Variants in COP1 observed in about 807,000 individuals in gnomAD.
COP1 encodes the protein COP1 E3 ubiquitin ligase.
COP1 carries 24 observed loss-of-function variants against 101.3 expected under a neutral mutation model. The ratio of observed to expected loss-of-function variants is 0.24; its 90% CI spans 0.17 to 0.33. The LOEUF is 0.33. COP1 is among the 10% of genes least tolerant of loss of function. COP1 has a pLI of 1.00. For synonymous variants in COP1, 347 were observed against 341.9 expected (o/e 1.01, Z -0.17); for missense variants, 663 against 906.2 (o/e 0.73, Z 3.45).
Position 176,149,077 on chromosome 1 carries a change from A to G in COP1, c.763-3T>C. On this transcript the variant is annotated splice_polypyrimidine_tract_variant and splice_region_variant and intron_variant, in intron 5 of 19. Coordinates refer to ENST00000367669, the MANE Select transcript of COP1 (RefSeq NM_022457.7). Reference sequence around the variant, plus strand: ...TGTAGTTGGGCTGCATGTGATTCCTACAATAGAAAATTATAATTTTTCTTT... The same window carrying G: ...TGTAGTTGGGCTGCATGTGATTCCTGCAATAGAAAATTATAATTTTTCTTT... 1.3e-6 allele frequency: 2 copies of G among 1,559,234 alleles called. No individual in the cohort carries two copies. The highest frequency in any genetic ancestry group is 2.4e-5 in the South Asian group (2 of 84,066).
intron 11 of COP1, among the ~76,000 whole-genome samples, chr1:176,059,185 GCTCA>G (rs1674407281): frequency 6.6e-6 from 1 of 152,288 alleles, no homozygotes. Flanking sequence ...TAATTTTGGA[GCTCA>G]CTCACTATGT....
intron 14 of COP1, among the ~76,000 whole-genome samples, chr1:176,032,426 A>G (rs1456226651): frequency 1.3e-5 from 2 of 152,254 alleles, no homozygotes; most frequent in African/African-American, 4.8e-5. Flanking sequence ...GTTGTCATAC[A>G]GCAAACTGCC....
At chr1:176,024,027 G>A (rs1667253878) in intron 15 of COP1, among the ~76,000 whole-genome samples, 1 of 152,112 alleles carries the variant, frequency 6.6e-6, no homozygotes. Context: ...GGAGGCCGAG[G>A]CAGGCAGATC....
At chr1:175,960,622 A>T (rs1651222005) in intron 18 of COP1, among the ~76,000 whole-genome samples, 1 of 152,164 alleles carries the variant, frequency 6.6e-6, no homozygotes, top group South Asian at 2.1e-4. Context: ...TAGTAATAAT[A>T]TGTTATTGGA....
At chr1:176,044,473 G>A (rs1483947536) in intron 12 of COP1, among the ~76,000 whole-genome samples, 1 of 152,208 alleles carries the variant, frequency 6.6e-6, no homozygotes, top group Non-Finnish European at 1.5e-5. Context: ...TACTTAGAAG[G>A]CAGTTAATGT....
At chr1:176,035,413 A>G (rs10798442) in intron 14 of COP1, among the ~76,000 whole-genome samples, 60,642 of 151,532 alleles carry the variant, frequency 0.4, 12,322 homozygotes, top group Admixed American at 0.44. Flanking sequence ...ACAGAACGAA[A>G]GGGTCTAATA....
Position 176,175,894 on chromosome 1 carries a change from C to A in COP1, c.565+16G>T. The A allele has an allele frequency of 1.5e-6, 2 of 1,358,384 alleles. No homozygotes were observed. Among genetic ancestry groups the A allele is most frequent in the Non-Finnish European group, 2.1e-6 (2 of 967,278 alleles). 84.1% of individuals were successfully genotyped at this position (1,358,384 alleles called of 1,614,324 possible). ...ATCGAAATATTTTTAAAATAAAAAT[C>A]ATTCCAAAGACTCACCCAAGAAATT... is the stretch of plus-strand genomic sequence containing the variant. On this transcript the variant is annotated intron_variant, in intron 3 of 19. Coordinates refer to ENST00000367669, the MANE Select transcript of COP1 (RefSeq NM_022457.7).
chr1:176,194,456 G>A (rs1018590371), intron 1 of COP1, among the ~76,000 whole-genome samples: 14 of 152,016 alleles, frequency 9.2e-5, no homozygotes, highest in Non-Finnish European at 1.5e-5. Flanking sequence ...TGGCCAACAT[G>A]GTGAAACCCC....
intron 11 of COP1, among the ~76,000 whole-genome samples, chr1:176,070,081 C>T (rs922768035): frequency 2.0e-5 from 3 of 152,172 alleles, no homozygotes; most frequent in Admixed American, 6.5e-5. Context: ...ATATCCCCCA[C>T]GAACCCTGTT....
chr1:176,056,901 T>C (rs1402539129), intron 11 of COP1, among the ~76,000 whole-genome samples: 1 of 152,236 alleles, frequency 6.6e-6, no homozygotes, highest in African/African-American at 2.4e-5. Context: ...GGATTCAATG[T>C]ATCTACTAAG....
chr1:175,951,463 A>ATATATATAT (rs1558154896), intron 18 of COP1, among the ~76,000 whole-genome samples: 1,112 of 39,754 alleles, frequency 0.028, 29 homozygotes, highest in Non-Finnish European at 0.041. Context: ...TATATATATA[A>ATATATATAT]AAACTTCCAT....
chr1:176,066,385 A>C (rs1159190777), intron 11 of COP1, among the ~76,000 whole-genome samples: 1 of 152,152 alleles, frequency 6.6e-6, no homozygotes, highest in East Asian at 1.9e-4. Context: ...TGAACCTGAG[A>C]GGGTACAGAA....
At chr1:176,013,061 C>A (rs1483987650) in intron 15 of COP1, among the ~76,000 whole-genome samples, 3 of 152,128 alleles carry the variant, frequency 2.0e-5, no homozygotes, top group African/African-American at 7.2e-5. Context: ...AACTTCCACA[C>A]CTCCTCCCAT....
intron 9 of COP1, among the ~76,000 whole-genome samples, chr1:176,101,109 G>A (rs188626455): frequency 1.3e-5 from 2 of 152,152 alleles, no homozygotes; most frequent in African/African-American, 4.8e-5. Context: ...GGGGACATAA[G>A]GTGTACATGG....
intron 1 of COP1, among the ~76,000 whole-genome samples, chr1:176,198,195 T>G (rs1296552491): frequency 6.6e-6 from 1 of 152,100 alleles, no homozygotes; most frequent in Non-Finnish European, 1.5e-5. Context: ...AAAACAACTT[T>G]GAAATAAAGG....
intron 16 of COP1, chr1:175,988,685 T>G: frequency 4.0e-6 from 1 of 248,706 alleles, no homozygotes; most frequent in East Asian, 7.9e-5. Flanking sequence ...ATACAAAAAT[T>G]AGTCGGGCGT....
chr1:176,040,701 G>A (rs1397312451), intron 14 of COP1, among the ~76,000 whole-genome samples: 1 of 152,126 alleles, frequency 6.6e-6, no homozygotes, highest in African/African-American at 2.4e-5. Context: ...ACTTTTTAGG[G>A]GCAGTCCACT....
intron 9 of COP1, among the ~76,000 whole-genome samples, chr1:176,103,900 A>C (rs1361877486): frequency 6.6e-6 from 1 of 152,168 alleles, no homozygotes; most frequent in Non-Finnish European, 1.5e-5. Context: ...AAATACCAAG[A>C]AGCTTTTTTA....
chr1:176,040,633 A>G (rs1247323531), intron 14 of COP1, among the ~76,000 whole-genome samples: 2 of 152,154 alleles, frequency 1.3e-5, no homozygotes, highest in African/African-American at 4.8e-5. Flanking sequence ...ATCAAGGAAA[A>G]AAGGTATTCC....
Sources: allele counts gnomAD v4.1 joint callset (sites outside exome capture counted in the v4.1 genomes callset), GRCh38; gene constraint gnomAD v4.1.1; transcripts MANE v1.5; gene names NCBI Gene and HGNC (gene_info 2026-07-23, HGNC 2026-07-21).